The following CD81 variants were observed in gnomAD, a reference collection of about 807,000 sequenced individuals.
CD81 encodes CD81 molecule.
A neutral mutation model predicts 30.1 loss-of-function variants in CD81; 10 were observed. That is an observed-to-expected ratio of 0.33 (90% CI 0.21 to 0.56). The LOEUF (loss-of-function observed/expected upper bound fraction) is 0.56. Ranked by LOEUF, CD81 falls within the 20% of genes least tolerant of loss-of-function variation. The pLI is 0.89. For missense variants in CD81, 263 were observed against 308.7 expected, an observed-to-expected ratio of 0.85 and a Z score of 1.11; for synonymous variants, 147 against 126.4, an observed-to-expected ratio of 1.16 and a Z score of -1.10.
intron 3 of CD81, among the ~76,000 whole-genome samples, chr11:2,394,432 G>A (rs984673584): frequency 1.3e-5 from 2 of 152,240 alleles, no homozygotes; most frequent in African/African-American, 4.8e-5. Context: ...ATATAACAGG[G>A]AGCAAGCCTC....
intron 1 of CD81, among the ~76,000 whole-genome samples, chr11:2,383,642 G>A (rs551994647): frequency 6.6e-6 from 1 of 152,304 alleles, no homozygotes; most frequent in East Asian, 1.9e-4. Flanking sequence ...CCTAGGTGTC[G>A]GTGAGCAGGC....
chr11:2,377,783 C>T lies in CD81; in HGVS notation c.66+168C>T. 3 of 298,932 alleles carry T rather than the reference C, an allele frequency of 1.0e-5. 1 individual carries two copies. The Admixed American group carries it at 1.7e-4, about 17-fold the overall frequency. The allele number at this position is 298,932 out of a possible 1,614,324, so 18.5% of individuals were successfully genotyped here. Reference sequence around the variant, plus strand: ...TGGGGGGTCGCCCGGGGCCACCGCGCCCCCCGACATTGGGGCTGAGGGCTG... The same window carrying T: ...TGGGGGGTCGCCCGGGGCCACCGCGTCCCCCGACATTGGGGCTGAGGGCTG... On this transcript the variant is annotated intron_variant, in intron 1 of 7. Transcript: ENST00000263645. This position sits in a 1 kb window ranked among gnomAD's most constrained non-coding sequence, Gnocchi z 7.7.
Position 2,388,870 on chromosome 11 carries a change from G to A in CD81, c.67-1542G>A, listed in dbSNP as rs11022573. ...AGACTCGCCCAGGCCCATGGGAGTC[G>A]GATGGTGGCCGCACTTGTGGGGCCC... is the stretch of plus-strand genomic sequence containing the variant. On this transcript the variant is annotated intron_variant, in intron 1 of 7. Coordinates refer to ENST00000263645, the MANE Select transcript of CD81 (RefSeq NM_004356.4). Among the ~76,000 whole-genome samples, 161 of 152,328 alleles carry A rather than the reference G, an allele frequency of 1.1e-3. 1 individual carries two copies. The East Asian group carries it at 0.014, about 13-fold the overall frequency.
chr11:2,394,563 G>C (rs1849963214), intron 3 of CD81, among the ~76,000 whole-genome samples: 1 of 152,170 alleles, frequency 6.6e-6, no homozygotes, highest in South Asian at 2.1e-4. Context: ...TGTCTCCAGT[G>C]GGGGAAACTG....
chr11:2,382,340 G>C (rs1589846181), intron 1 of CD81: 1 of 152,396 alleles, frequency 6.6e-6, no homozygotes, highest in Non-Finnish European at 1.5e-5. Context: ...CCCAGCAGGG[G>C]AGCTTTGAGA....
chr11:2,395,775 G>T, intron 5 of CD81, 94 bp from the exon 6 acceptor site: 1 of 865,442 alleles, frequency 1.2e-6, no homozygotes, highest in South Asian at 1.3e-5. Context: ...AGTGGGGAGC[G>T]CTGCGTACCC....
At chr11:2,385,102 A>C (rs1252121810) in intron 1 of CD81, among the ~76,000 whole-genome samples, 1 of 152,130 alleles carries the variant, frequency 6.6e-6, no homozygotes, top group Non-Finnish European at 1.5e-5. Flanking sequence ...GGAAGAAGTT[A>C]GCGCCAAGAT....
At chr11:2,380,421 GAATGTGCACACACA>G (rs1849684630) in intron 1 of CD81, among the ~76,000 whole-genome samples, 1 of 151,940 alleles carries the variant, frequency 6.6e-6, no homozygotes, top group African/African-American at 2.4e-5. Flanking sequence ...TCACACACAC[GAATGTGCACACACA>G]CACACTCCCA....
In CD81 at chr11:2,397,043, C is replaced by A; in HGVS notation, c.*177C>A. On this transcript the variant is annotated 3_prime_UTR_variant, in exon 8 of 8. Coordinates refer to ENST00000263645, the MANE Select transcript of CD81 (RefSeq NM_004356.4). ...GAACTTTCCTGTTACCTTTTCAGGGCTGACGTCACATGTAGGTGGCGTGTA... is the reference window on the plus strand; with the variant it reads ...GAACTTTCCTGTTACCTTTTCAGGGATGACGTCACATGTAGGTGGCGTGTA... 1 of 674,808 alleles carries A rather than the reference C, an allele frequency of 1.5e-6. No homozygotes were observed. 41.8% of individuals were successfully genotyped at this position (674,808 alleles called of 1,614,324 possible). A position where few individuals can be genotyped will look rare whatever the true frequency, so the allele number is the denominator to read the frequency against.
intron 1 of CD81, among the ~76,000 whole-genome samples, chr11:2,387,824 G>A (rs879498460): frequency 1.2e-4 from 18 of 152,182 alleles, no homozygotes; most frequent in Admixed American, 5.2e-4. Flanking sequence ...CTGGGCGGGG[G>A]AAGTAGGCTG....
chr11:2,394,058 T>C (rs774406198), intron 2 of CD81, 37 bp from the exon 3 acceptor site: 2 of 1,503,496 alleles, frequency 1.3e-6, no homozygotes, highest in East Asian at 4.5e-5. Flanking sequence ...CTGTGGCGAG[T>C]GTGTAGGCAC....
rs947280364 is a variant in CD81 at position 2,396,930 on chromosome 11, G to C, written c.*64G>C. On this transcript the variant is annotated 3_prime_UTR_variant, in exon 8 of 8. Transcript: ENST00000263645. ...CCCTAAGTGACCCGGACACTTCCGAGGGGGCCATCACCGCCTGTGTATATA... is the reference window on the plus strand; with the variant it reads ...CCCTAAGTGACCCGGACACTTCCGACGGGGCCATCACCGCCTGTGTATATA... 24 of 1,462,382 alleles carry C rather than the reference G, an allele frequency of 1.6e-5. No homozygotes were observed. The Admixed American group carries it at 4.0e-4, about 25-fold the overall frequency. The allele number at this position is 1,462,382 out of a possible 1,614,324, so 90.6% of individuals were successfully genotyped here.
chr11:2,389,633 T>C (rs1849859732), intron 1 of CD81, among the ~76,000 whole-genome samples: 1 of 152,154 alleles, frequency 6.6e-6, no homozygotes, highest in Admixed American at 6.5e-5. Flanking sequence ...GCCTGCTTCC[T>C]GCCCCAGCTG....
chr11:2,387,666 C>T (rs971152802), intron 1 of CD81, among the ~76,000 whole-genome samples: 1 of 152,120 alleles, frequency 6.6e-6, no homozygotes, highest in Non-Finnish European at 1.5e-5. Context: ...GCCAGGGGCC[C>T]CTGGCCTCCC....
chr11:2,395,993 C>A (rs374936907), intron 6 of CD81, 23 bp downstream of exon 6: 18 of 1,506,164 alleles, frequency 1.2e-5, no homozygotes, highest in Non-Finnish European at 1.5e-5. Context: ...GGTGGGGCCG[C>A]GCCTGACCCC....
At chr11:2,376,586 C>A (rs781422333), upstream of CD81, among the ~76,000 whole-genome samples, 1 of 152,224 alleles carries the variant, frequency 6.6e-6, no homozygotes, top group Non-Finnish European at 1.5e-5. Flanking sequence ...GGGCACGACA[C>A]AACCAGGATG....
At chr11:2,390,596 G>T in intron 2 of CD81, 70 bp downstream of exon 2, 1 of 1,107,578 alleles carries the variant, frequency 9.0e-7, no homozygotes, top group African/African-American at 1.5e-5. Flanking sequence ...TAGCCTTTTG[G>T]ATGGGGACAT....
At chr11:2,386,024 C>T in intron 1 of CD81, 1 of 716,674 alleles carries the variant, frequency 1.4e-6, no homozygotes, top group East Asian at 2.7e-5. Context: ...CGTTTTACAG[C>T]CCCCGTTGTA....
At chr11:2,376,342 C>T (rs1327767110), upstream of CD81, 1 of 152,240 alleles carries the variant, frequency 6.6e-6, no homozygotes, top group Admixed American at 6.5e-5. Context: ...CGGACCTGGT[C>T]CCACGTGGTT....
Sources: allele counts gnomAD v4.1 joint callset (sites outside exome capture counted in the v4.1 genomes callset), GRCh38; gene constraint gnomAD v4.1.1; non-coding constraint Gnocchi (gnomAD v3.1); transcripts MANE v1.5; gene names NCBI Gene and HGNC (gene_info 2026-07-23, HGNC 2026-07-21).